OPRK1: variants seen among roughly 807,000 people sequenced by gnomAD.
OPRK1 encodes the protein opioid receptor kappa 1.
Under a neutral mutation model 24.5 loss-of-function variants are expected in OPRK1, and 15 were observed. The observed-to-expected ratio is 0.61, with a 90% CI of 0.41 to 0.94. The LOEUF (loss-of-function observed/expected upper bound fraction) is 0.94, where lower values mean the gene tolerates loss of function less well. Among genes scored for constraint, OPRK1 ranks in the 40% least tolerant of loss-of-function variants. The pLI is 0.00. For missense variants in OPRK1, 479 were observed against 507.3 expected, an observed-to-expected ratio of 0.94 and a Z score of 0.54; for synonymous variants, 205 against 198.0, an observed-to-expected ratio of 1.04 and a Z score of -0.30.
rs1458328952 is a variant in OPRK1, at chr8:53,250,839, A to G, written c.199T>C (p.Ser67Pro). The G allele has an allele frequency of 6.2e-7, 1 of 1,613,422 alleles. No individual in the cohort carries two copies. Among genetic ancestry groups the G allele is most frequent in the South Asian group, 1.1e-5 (1 of 91,026 alleles). The change falls in exon 2 of 4, where the codon TCC becomes CCC. Residue 67 changes from serine (S) to proline (P), a missense_variant. Coordinates refer to ENST00000265572, the MANE Select transcript of OPRK1 (RefSeq NM_000912.5). ...ACCAAGCCCACGACGAACACTACGG[A>G]GTAGACCGCCGTGATGATGACCGGG... Reference protein sequence around the residue: ...AIPVIITAVYSVVFVVGLVGN... With the variant: ...AIPVIITAVYPVVFVVGLVGN...
rs1807006595 is a variant in OPRK1, at chr8:53,236,793, T to A, written c.258-1682A>T. 1.3e-5 allele frequency among the ~76,000 whole-genome samples: 2 copies of A among 152,154 alleles called. 1 individual carries two copies. Among genetic ancestry groups the A allele is most frequent in the Admixed American group, 1.3e-4 (2 of 15,274 alleles). On this transcript the variant is annotated intron_variant, in intron 2 of 3. Transcript: ENST00000265572. ...CATCTTACAAACCTAACTTCTACTC[T>A]TTCAACTCCTCCCACCCCAAAACCC...
chr8:53,232,330 A>G (rs1368540403), intron 3 of OPRK1, among the ~76,000 whole-genome samples: 3 of 152,228 alleles, frequency 2.0e-5, no homozygotes, highest in Non-Finnish European at 4.4e-5. Context: ...CAGTAGCACA[A>G]GAAGGTGACT....
chr8:53,234,959 A>G lies in OPRK1; in HGVS notation c.410T>C (p.Ile137Thr), dbSNP rs368555491. The G allele has an allele frequency of 3.7e-6, 6 of 1,614,228 alleles. No individual in the cohort carries two copies. In the African/African-American group the frequency reaches 4.0e-5, roughly 11 times the overall value. The change falls in exon 3 of 4, where the codon ATT becomes ACT. Residue 137 changes from isoleucine (I) to threonine (T), a missense_variant. Ile to Thr is a moderately conservative substitution (Grantham distance 89). Transcript: ENST00000265572. ...GDVLCKIVIS[I>T]DYYNMFTSIF... ...GCTGGTGAACATGTTGTAGTAATCAATGGAAATTACTATCTTGCACAGCAC... is the reference window on the plus strand; with the variant it reads ...GCTGGTGAACATGTTGTAGTAATCAGTGGAAATTACTATCTTGCACAGCAC...
At chr8:53,238,927 C>T (rs1209806554) in intron 2 of OPRK1, among the ~76,000 whole-genome samples, 3 of 152,164 alleles carry the variant, frequency 2.0e-5, no homozygotes, top group African/African-American at 7.2e-5. Flanking sequence ...GCATGCTTTG[C>T]TGTTGAGGTG....
At chr8:53,231,709 G>C (rs1336580000) in intron 3 of OPRK1, among the ~76,000 whole-genome samples, 1 of 152,176 alleles carries the variant, frequency 6.6e-6, no homozygotes, top group Non-Finnish European at 1.5e-5. Flanking sequence ...GGAACATGTG[G>C]TGCATAAACA....
rs1296253963 is a variant in OPRK1 at position 53,228,260 on chromosome 8, CA to C, written c.*1036del. 1 of 152,154 alleles carries C rather than the reference CA, an allele frequency of 6.6e-6. No homozygotes were observed. Among genetic ancestry groups the C allele is most frequent in the Non-Finnish European group, 1.5e-5 (1 of 68,030 alleles). The allele number at this position is 152,154 out of a possible 1,614,324, so 9.4% of individuals were successfully genotyped here. On this transcript the variant is annotated 3_prime_UTR_variant, in exon 4 of 4. Transcript: ENST00000265572. ...GCTATATGTTCATAAAGAGATGTGG[CA>C]AATAAACTAGATCCTGCGAAGGCTA...
chr8:53,236,753 T>C (rs577912861), intron 2 of OPRK1, among the ~76,000 whole-genome samples: 5 of 152,300 alleles, frequency 3.3e-5, no homozygotes, highest in Admixed American at 2.0e-4. Context: ...TATGGTTTTA[T>C]GTTTGAAAAA....
Position 53,251,013 on chromosome 8 carries a change from G to A in OPRK1, c.25C>T (p.Arg9Cys), listed in dbSNP as rs770266068. 5 of 1,568,550 alleles carry A rather than the reference G, an allele frequency of 3.2e-6. No individual in the cohort carries two copies. The South Asian group carries it at 6.0e-5, about 19-fold the overall frequency. The change falls in exon 2 of 4, where the codon CGC (arginine) becomes TGC (cysteine). Residue 9 changes from arginine (R) to cysteine (C), a missense_variant. Coordinates refer to ENST00000265572, the MANE Select transcript of OPRK1 (RefSeq NM_000912.5). MDSPIQIF[R>C]GEPGPTCAPS... ...GCGCAGGTAGGGCCCGGCTCCCCGC[G>A]GAAGATCTGGATCGGGGAGTCCATG...
At chr8:53,241,236 T>C (rs899311402) in intron 2 of OPRK1, among the ~76,000 whole-genome samples, 2 of 152,218 alleles carry the variant, frequency 1.3e-5, no homozygotes, top group African/African-American at 4.8e-5. Context: ...ATGATGACCG[T>C]GCTGACGTGA....
intron 2 of OPRK1, among the ~76,000 whole-genome samples, chr8:53,240,042 C>T (rs2128809330): frequency 6.6e-6 from 1 of 152,266 alleles, no homozygotes; most frequent in East Asian, 1.9e-4. Flanking sequence ...GTCAAGTATG[C>T]ATCATGAGGG....
chr8:53,251,299 A>G, intron 1 of OPRK1, 149 bp downstream of exon 1: 1 of 537,480 alleles, frequency 1.9e-6, no homozygotes, highest in Non-Finnish European at 3.2e-6. Flanking sequence ...CTTCTCCCCC[A>G]GCCCCTGAGG....
At chr8:53,239,850 GT>G (rs1463602882) in intron 2 of OPRK1, among the ~76,000 whole-genome samples, 1 of 152,142 alleles carries the variant, frequency 6.6e-6, no homozygotes, top group Non-Finnish European at 1.5e-5. Flanking sequence ...AAGAGAAAAA[GT>G]TTGAGAAAAC....
At chr8:53,248,414 A>C (rs1807287951) in intron 2 of OPRK1, among the ~76,000 whole-genome samples, 1 of 152,190 alleles carries the variant, frequency 6.6e-6, no homozygotes, top group Admixed American at 6.5e-5. Context: ...TTTCCCATGT[A>C]AAACATATAA....
chr8:53,229,093 A>T lies in OPRK1; in HGVS notation c.*204T>A, dbSNP rs1314095638. ...CTTCTGTGCCCTAGAGAAGAGGTGC[A>T]TGTGTTGCGTGGACCTTTTGTCCTT... On this transcript the variant is annotated 3_prime_UTR_variant, in exon 4 of 4. Coordinates refer to ENST00000265572, the MANE Select transcript of OPRK1 (RefSeq NM_000912.5). The T allele has an allele frequency of 1.8e-6, 1 of 556,358 alleles. No individual in the cohort carries two copies. The highest frequency in any genetic ancestry group is 3.1e-5 in the East Asian group (1 of 31,782). The allele number at this position is 556,358 out of a possible 1,614,324, so 34.5% of individuals were successfully genotyped here.
At chr8:53,246,339 C>T (rs1348757706) in intron 2 of OPRK1, among the ~76,000 whole-genome samples, 1 of 152,128 alleles carries the variant, frequency 6.6e-6, no homozygotes, top group Non-Finnish European at 1.5e-5. Flanking sequence ...AGCTCAAATG[C>T]TCAGGGCAGA....
At chr8:53,240,119 A>G (rs1299166069) in intron 2 of OPRK1, among the ~76,000 whole-genome samples, 1 of 152,210 alleles carries the variant, frequency 6.6e-6, no homozygotes, top group Non-Finnish European at 1.5e-5. Flanking sequence ...TACATTAAAT[A>G]CTACCCCTCA....
At chr8:53,230,024 G>T (rs1806815631) in intron 3 of OPRK1, among the ~76,000 whole-genome samples, 195 bp from the exon 4 acceptor site, 1 of 151,624 alleles carries the variant, frequency 6.6e-6, no homozygotes, top group African/African-American at 2.4e-5. Context: ...TTTGTGCATG[G>T]AACAATGATG....
At chr8:53,240,882 T>G (rs545625364) in intron 2 of OPRK1, among the ~76,000 whole-genome samples, 1 of 152,210 alleles carries the variant, frequency 6.6e-6, no homozygotes, top group Non-Finnish European at 1.5e-5. Context: ...TAACTGTGTG[T>G]GGTAATGGCT....
chr8:53,232,715 C>G (rs983978617), intron 3 of OPRK1, among the ~76,000 whole-genome samples: 1 of 152,120 alleles, frequency 6.6e-6, no homozygotes, highest in Non-Finnish European at 1.5e-5. Flanking sequence ...TCTGCTGGCT[C>G]CTGTTCCAGC....
Sources: allele counts gnomAD v4.1 joint callset (sites outside exome capture counted in the v4.1 genomes callset), GRCh38; gene constraint gnomAD v4.1.1; transcripts MANE v1.5; gene names NCBI Gene and HGNC (gene_info 2026-07-23, HGNC 2026-07-21).